KHDRBS1: variants seen among roughly 807,000 people sequenced by gnomAD.
KHDRBS1 encodes KH domain-containing, RNA-binding, signal transduction-associated protein 1.
In KHDRBS1, 7 loss-of-function variants were observed where a neutral mutation model predicts 48.4. That is an observed-to-expected ratio of 0.14 (90% CI 0.08 to 0.27). KHDRBS1 has a LOEUF of 0.27. KHDRBS1 is among the 10% of genes least tolerant of loss of function. KHDRBS1 has a pLI of 1.00. For missense variants in KHDRBS1, 458 were observed against 601.2 expected, an observed-to-expected ratio of 0.76 and a Z score of 2.49; for synonymous variants, 241 against 235.8, an observed-to-expected ratio of 1.02 and a Z score of -0.20.
chr1:32,052,277 A>C (rs1639430953), intron 10 of KHDRBS1: 1 of 152,136 alleles, frequency 6.6e-6, no homozygotes, highest in African/African-American at 2.4e-5. Flanking sequence ...TCCAAATTTC[A>C]TTGACCCTAA....
intron 1 of KHDRBS1, among the ~76,000 whole-genome samples, chr1:32,019,498 TGA>T (rs1638813112): frequency 6.6e-6 from 1 of 151,284 alleles, no homozygotes; most frequent in Non-Finnish European, 1.5e-5. Context: ...TGCAGTGAGC[TGA>T]GATCTAGCCA....
At chr1:32,023,137 C>T (rs1638895072) in intron 1 of KHDRBS1, among the ~76,000 whole-genome samples, 1 of 152,038 alleles carries the variant, frequency 6.6e-6, no homozygotes, top group African/African-American at 2.4e-5. Flanking sequence ...AGCTTCAAAA[C>T]CCTTGTCTTT....
downstream of KHDRBS1, among the ~76,000 whole-genome samples, chr1:32,047,807 AT>A (rs1280225557): frequency 6.6e-6 from 1 of 152,184 alleles, no homozygotes; most frequent in Non-Finnish European, 1.5e-5. Context: ...ATTCCAGAAT[AT>A]TTCCATCACT....
At chr1:32,051,180 G>A (rs1263290133) in intron 10 of KHDRBS1, among the ~76,000 whole-genome samples, 2 of 152,238 alleles carry the variant, frequency 1.3e-5, no homozygotes, top group Admixed American at 6.5e-5. Flanking sequence ...TTACAGGCGT[G>A]AGCCACCGTG....
At chr1:32,031,663 A>T in intron 3 of KHDRBS1, 23 bp downstream of exon 3, 2 of 1,472,696 alleles carry the variant, frequency 1.4e-6, no homozygotes, top group Non-Finnish European at 1.9e-6. Flanking sequence ...TAGTGAGGCA[A>T]GAGGACATCC....
intron 4 of KHDRBS1, among the ~76,000 whole-genome samples, chr1:32,036,342 T>G (rs1292580056): frequency 6.6e-6 from 1 of 151,992 alleles, no homozygotes; most frequent in East Asian, 1.9e-4. Context: ...CTAATTTTTT[T>G]GTATTTTTAG....
intron 1 of KHDRBS1, among the ~76,000 whole-genome samples, chr1:32,014,598 C>T (rs1050644016): frequency 5.9e-5 from 9 of 152,232 alleles, no homozygotes; most frequent in Non-Finnish European, 1.2e-4. Flanking sequence ...ACTTTGCGAT[C>T]CCCTAGCGCT....
At chr1:32,033,110 C>A in intron 3 of KHDRBS1, 78 bp from the exon 4 acceptor site, 1 of 1,098,028 alleles carries the variant, frequency 9.1e-7, no homozygotes, top group Non-Finnish European at 1.4e-6. Context: ...GTATTTCTTG[C>A]TGTTCCTTTG....
intron 10 of KHDRBS1, among the ~76,000 whole-genome samples, chr1:32,057,138 G>T (rs995147040): frequency 6.6e-6 from 1 of 152,136 alleles, no homozygotes; most frequent in African/African-American, 2.4e-5. Flanking sequence ...ATAGGCAGAG[G>T]ATAGGACTGA....
chr1:32,051,823 A>T (rs1639426305), intron 10 of KHDRBS1, among the ~76,000 whole-genome samples: 1 of 152,248 alleles, frequency 6.6e-6, no homozygotes, highest in Non-Finnish European at 1.5e-5. Flanking sequence ...TTAGAGATGC[A>T]TTAACACCTG....
chr1:32,021,928 G>T (rs1330175754), intron 1 of KHDRBS1, among the ~76,000 whole-genome samples: 1 of 151,670 alleles, frequency 6.6e-6, no homozygotes, highest in Non-Finnish European at 1.5e-5. Context: ...TGGGATTATA[G>T]GCGTGAGGCA....
At chr1:32,060,530 C>G (rs1008310085) in exon 11 of KHDRBS1, 1 of 152,032 alleles carries the variant, frequency 6.6e-6, no homozygotes, top group Non-Finnish European at 1.5e-5. Flanking sequence ...GGCTGAAACA[C>G]CCTACCACCG....
intron 2 of KHDRBS1, 39 bp from the exon 3 acceptor site, chr1:32,031,485 A>G: frequency 1.6e-6 from 2 of 1,228,602 alleles, no homozygotes; most frequent in Non-Finnish European, 2.3e-6. Context: ...GTTTTTATAT[A>G]GTAGCATGTA....
chr1:32,055,828 G>C (rs970348111), intron 10 of KHDRBS1, among the ~76,000 whole-genome samples: 6 of 152,106 alleles, frequency 3.9e-5, no homozygotes, highest in Non-Finnish European at 8.8e-5. Context: ...TTTTTGGGAA[G>C]TAATGGGGAA....
In KHDRBS1 at chr1:32,043,277, T is replaced by C. The variant is rs1210283058; in HGVS notation, c.*653T>C. 4.6e-5 allele frequency: 7 copies of C among 151,048 alleles called. No homozygotes were observed. Among genetic ancestry groups the C allele is most frequent in the Admixed American group, 1.3e-4 (2 of 15,214 alleles). The allele number at this position is 151,048 out of a possible 1,614,324, so 9.4% of individuals were successfully genotyped here. On this transcript the variant is annotated 3_prime_UTR_variant, in exon 9 of 9. Transcript: ENST00000327300. ...AGTTGATGCAATTTTTAACGTTAATTGATATAAAAAAAAAAACAACAAAAT... is the reference window on the plus strand; with the variant it reads ...AGTTGATGCAATTTTTAACGTTAATCGATATAAAAAAAAAAACAACAAAAT...
Position 32,031,458 on chromosome 1 carries a change from G to T in KHDRBS1, c.508-66G>T. 3.0e-6 allele frequency: 3 copies of T among 986,428 alleles called. No homozygotes were observed. The South Asian group carries it at 4.7e-5, about 16-fold the overall frequency. The allele number at this position is 986,428 out of a possible 1,614,324, so 61.1% of individuals were successfully genotyped here. A position where few individuals can be genotyped will look rare whatever the true frequency, so the allele number is the denominator to read the frequency against. ...GCAGGGTTGTTTAAAATCAAGTGAG[G>T]TAATTTATGTGGAAATGTTTTTATA... On this transcript the variant is annotated intron_variant, in intron 2 of 8. Coordinates refer to ENST00000327300, the MANE Select transcript of KHDRBS1 (RefSeq NM_006559.3).
At chr1:32,031,919 C>T (rs146925383) in intron 3 of KHDRBS1, among the ~76,000 whole-genome samples, 55 of 152,222 alleles carry the variant, frequency 3.6e-4, no homozygotes, top group Middle Eastern at 3.4e-3. Flanking sequence ...GTAGGATTGT[C>T]TGTGAAAACT....
intron 1 of KHDRBS1, among the ~76,000 whole-genome samples, chr1:32,024,743 T>C (rs988397579): frequency 2.0e-5 from 3 of 152,188 alleles, no homozygotes; most frequent in African/African-American, 7.2e-5. Context: ...TTCACTGAGT[T>C]ATTTTTGAGG....
At chr1:32,020,078 TTTG>T (rs1638827645) in intron 1 of KHDRBS1, among the ~76,000 whole-genome samples, 1 of 140,636 alleles carries the variant, frequency 7.1e-6, no homozygotes, top group Non-Finnish European at 1.7e-5. Flanking sequence ...CAATGCAGGT[TTTG>T]TTTGTTTGTT....
Sources: allele counts gnomAD v4.1 joint callset (sites outside exome capture counted in the v4.1 genomes callset), GRCh38; gene constraint gnomAD v4.1.1; transcripts MANE v1.5; gene names NCBI Gene and HGNC (gene_info 2026-07-23, HGNC 2026-07-21).